The following PIGN variants were observed in gnomAD, a reference collection of about 807,000 sequenced individuals.
PIGN encodes GPI ethanolamine phosphate transferase 1.
A neutral mutation model predicts 125.4 loss-of-function variants in PIGN; 117 were observed. The observed-to-expected ratio is 0.93, with a 90% CI of 0.80 to 1.09. The LOEUF is 1.09. Ranked by LOEUF, PIGN falls within the 50% of genes least tolerant of loss-of-function variation. PIGN has a pLI of 0.00. For synonymous variants in PIGN, 392 were observed against 377.8 expected (o/e 1.04, Z -0.44); for missense variants, 1,075 against 1,094.9 (o/e 0.98, Z 0.26).
chr18:62,090,521 T>C lies in PIGN; in HGVS notation c.2238A>G (p.Ile746Met), dbSNP rs200658159. Residue 746 changes from isoleucine to methionine, a missense_variant, in exon 24 of 31, where the codon ATA (isoleucine) becomes ATG (methionine). Transcript: ENST00000640252. ...CAGATTGTTGTAGAGTTTCTTGTTC[T>C]ATGTTTATCCAGACAAACATCAAAC... ...LSCLMFVWIN[I>M]EQETLQQSGV... 1.2e-3 allele frequency: 1,926 copies of C among 1,611,218 alleles called. 5 individuals are homozygous for C. The highest frequency in any genetic ancestry group is 1.1e-3 in the Non-Finnish European group (1,267 of 1,178,462).
chr18:62,055,081 A>G (rs1418539181), intron 30 of PIGN, among the ~76,000 whole-genome samples: 2 of 152,242 alleles, frequency 1.3e-5, no homozygotes, highest in Non-Finnish European at 2.9e-5. Flanking sequence ...CTGGATTGAC[A>G]GTCTCTGGTA....
At chr18:62,149,712 C>T (rs62096067) in intron 7 of PIGN, among the ~76,000 whole-genome samples, 7 of 152,120 alleles carry the variant, frequency 4.6e-5, no homozygotes, top group South Asian at 2.1e-4. Flanking sequence ...AACATAAGGG[C>T]GGGAACTCCA....
chr18:62,133,564 G>A (rs1198911545), intron 14 of PIGN, among the ~76,000 whole-genome samples: 3 of 152,086 alleles, frequency 2.0e-5, no homozygotes, highest in Non-Finnish European at 4.4e-5. Flanking sequence ...GTAATTTGGA[G>A]AGGACCGACA....
At chr18:62,058,443 A>G (rs1026508397) in intron 30 of PIGN, among the ~76,000 whole-genome samples, 2 of 152,224 alleles carry the variant, frequency 1.3e-5, no homozygotes, top group Non-Finnish European at 2.9e-5. Context: ...TAGCATCAAC[A>G]GAAGTCTGAC....
At chr18:62,076,751 A>C (rs1265837653) in intron 28 of PIGN, among the ~76,000 whole-genome samples, 2 of 152,246 alleles carry the variant, frequency 1.3e-5, no homozygotes, top group African/African-American at 4.8e-5. Flanking sequence ...TAATTCACAT[A>C]TGCAGATATA....
chr18:62,128,200 T>C (rs984234841), intron 14 of PIGN, among the ~76,000 whole-genome samples: 1 of 152,166 alleles, frequency 6.6e-6, no homozygotes, highest in South Asian at 2.1e-4. Context: ...CAAAAAAATA[T>C]ATAAAATTCC....
chr18:62,082,706 G>A lies in PIGN; in HGVS notation c.2543C>T (p.Ala848Val). 1.3e-6 allele frequency: 2 copies of A among 1,552,976 alleles called. No homozygotes were observed. Among genetic ancestry groups the A allele is most frequent in the Non-Finnish European group, 1.7e-6 (2 of 1,143,450 alleles). ...CGATAACTGAGTAGTCAACTGAACT[G>A]CTTCAAAAGCACACATAACAAGAAC... is the stretch of plus-strand genomic sequence containing the variant. ...PFVLVMCAFEAVQLTTQLSSK... is the reference protein window; with the variant it reads ...PFVLVMCAFEVVQLTTQLSSK... The change falls in exon 28 of 31, where the codon GCA (alanine) becomes GTA (valine). Residue 848 changes from alanine to valine, a missense_variant. By Grantham distance (64) the Ala-to-Val change is moderately conservative. Coordinates refer to ENST00000640252, the MANE Select transcript of PIGN (RefSeq NM_176787.5).
At chr18:62,089,223 T>A (rs1893948006) in intron 24 of PIGN, among the ~76,000 whole-genome samples, 1 of 152,154 alleles carries the variant, frequency 6.6e-6, no homozygotes, top group African/African-American at 2.4e-5. Flanking sequence ...TGGTATCATA[T>A]TAAAAGACAT....
chr18:62,084,744 C>G, intron 26 of PIGN, 138 bp from the exon 27 acceptor site: 2 of 663,016 alleles, frequency 3.0e-6, no homozygotes, highest in Non-Finnish European at 5.4e-6. Context: ...TATGAAGCCA[C>G]TAAAATGAAC....
rs115223099 is a variant in PIGN, at chr18:62,132,898, C to T, written c.1172+5345G>A. ...AATTTTCTTAGTACAAATCTTTCTC[C>T]TACTGATTTGAAACACTACCTTCAG... is the stretch of plus-strand genomic sequence containing the variant. On this transcript the variant is annotated intron_variant, in intron 14 of 30. Coordinates refer to ENST00000640252, the MANE Select transcript of PIGN (RefSeq NM_176787.5). Among the ~76,000 whole-genome samples, 147 of 151,978 alleles carry T rather than the reference C, an allele frequency of 9.7e-4. 1 individual carries two copies. Among genetic ancestry groups the T allele is most frequent in the African/African-American group, 3.4e-3 (143 of 41,508 alleles).
In PIGN at chr18:62,022,032, G is replaced by A. The variant is rs145400852; in HGVS notation, c.2143-4291C>T. On this transcript the variant is annotated intron_variant, in intron 23 of 24. Coordinates refer to the PIGN transcript ENST00000639600. The stretch of plus-strand genomic sequence containing the variant: ...TTAGCTCTTAGTCCTTGAGGCTGCC[G>A]TCAGGCCCTGGCCATGTGGCCCTTC... 1.2e-3 allele frequency among the ~76,000 whole-genome samples: 181 copies of A among 152,180 alleles called. 3 individuals are homozygous for A. The East Asian group carries it at 0.025, about 21-fold the overall frequency.
chr18:62,079,881 A>T (rs1375181177), intron 28 of PIGN, among the ~76,000 whole-genome samples: 1 of 152,134 alleles, frequency 6.6e-6, no homozygotes, highest in African/African-American at 2.4e-5. Flanking sequence ...AAATTAATTT[A>T]AAAATTAAGC....
At chr18:62,116,976 T>C (rs2035109940) in intron 14 of PIGN, among the ~76,000 whole-genome samples, 1 of 152,088 alleles carries the variant, frequency 6.6e-6, no homozygotes, top group Non-Finnish European at 1.5e-5. Context: ...ATTTACATTA[T>C]ATATTATGTT....
intron 24 of PIGN, among the ~76,000 whole-genome samples, chr18:62,090,136 T>C (rs1022094295): frequency 2.0e-5 from 3 of 152,060 alleles, no homozygotes; most frequent in Non-Finnish European, 4.4e-5. Flanking sequence ...CCAAGATAAA[T>C]TGACGGAAGG....
At chr18:62,026,266 AC>A (rs1267090908) in intron 23 of PIGN, among the ~76,000 whole-genome samples, 1 of 152,212 alleles carries the variant, frequency 6.6e-6, no homozygotes, top group Non-Finnish European at 1.5e-5. Flanking sequence ...TGATGTTTAA[AC>A]AAAAAGATAC....
At chr18:62,154,085 A>T (rs192402161) in intron 7 of PIGN, 1 of 158,132 alleles carries the variant, frequency 6.3e-6, no homozygotes, top group East Asian at 1.8e-4. Context: ...ATTATGATCA[A>T]TTTGCTAATT....
At chr18:62,060,598 T>C (rs2145396600) in intron 30 of PIGN, among the ~76,000 whole-genome samples, 1 of 152,380 alleles carries the variant, frequency 6.6e-6, no homozygotes, top group Admixed American at 6.5e-5. Context: ...CTCTTTTTTT[T>C]GAGTTCTCAT....
chr18:62,113,256 A>G lies in PIGN; in HGVS notation c.1312T>C (p.Tyr438His), dbSNP rs745667697. The G allele has an allele frequency of 4.3e-6, 7 of 1,612,942 alleles. No homozygotes were observed. Among genetic ancestry groups the G allele is most frequent in the African/African-American group, 2.7e-5 (2 of 74,918 alleles). Reference protein sequence around the residue: ...ALKGLSYYHTYDRFFLGVNVV... With the variant: ...ALKGLSYYHTHDRFFLGVNVV... Reference sequence around the variant, plus strand: ...TTGACGCCCAAAAAGAATCTGTCATATGTGTGATAATAGGACAATCCTTTC... The same window carrying G: ...TTGACGCCCAAAAAGAATCTGTCATGTGTGTGATAATAGGACAATCCTTTC... Residue 438 changes from tyrosine to histidine, a missense_variant, in exon 16 of 31, where the codon TAT becomes CAT. This residue lies in a region of PIGN where 915 missense variants were observed against 908.7 expected (regional missense o/e 1.01). Coordinates refer to ENST00000640252, the MANE Select transcript of PIGN (RefSeq NM_176787.5).
At chr18:62,031,677 C>A (rs755228803) in intron 23 of PIGN, among the ~76,000 whole-genome samples, 5 of 152,142 alleles carry the variant, frequency 3.3e-5, no homozygotes, top group African/African-American at 1.2e-4. Context: ...TCAAAAGAAA[C>A]AGGGCAAATG....
Sources: allele counts gnomAD v4.1 joint callset (sites outside exome capture counted in the v4.1 genomes callset), GRCh38; gene constraint gnomAD v4.1.1; regional missense constraint gnomAD v4.1.1; transcripts MANE v1.5; gene names NCBI Gene and HGNC (gene_info 2026-07-23, HGNC 2026-07-21).